Variants in TRHDE observed in about 807,000 individuals in gnomAD.
The protein encoded by TRHDE is thyrotropin-releasing hormone-degrading ectoenzyme.
A neutral mutation model predicts 125.7 loss-of-function variants in TRHDE; 72 were observed. The observed-to-expected ratio is 0.57, with a 90% confidence interval of 0.47 to 0.70. The LOEUF (loss-of-function observed/expected upper bound fraction) is 0.70. TRHDE is among the 30% of genes least tolerant of loss of function. TRHDE has a pLI of 0.00. For synonymous variants in TRHDE, 509 were observed against 509.1 expected, an observed-to-expected ratio of 1.00 and a Z score of 0.00; for missense variants, 1,110 against 1,327.1, an observed-to-expected ratio of 0.84 and a Z score of 2.54.
chr12:72,090,798 A>G (rs886497743), intron 1 of TRHDE, among the ~76,000 whole-genome samples: 6 of 151,874 alleles, frequency 4.0e-5, no homozygotes, highest in Non-Finnish European at 8.8e-5. Flanking sequence ...CACTTGGCCT[A>G]TTGGTGTGTT....
chr12:72,420,939 C>T (rs1873926197), intron 3 of TRHDE, among the ~76,000 whole-genome samples: 1 of 151,998 alleles, frequency 6.6e-6, no homozygotes, highest in South Asian at 2.1e-4. Flanking sequence ...GTATTGGATT[C>T]CTTTCTTACA....
chr12:72,601,561 A>G (rs1439588622), intron 12 of TRHDE, among the ~76,000 whole-genome samples: 1 of 152,154 alleles, frequency 6.6e-6, no homozygotes, highest in African/African-American at 2.4e-5. Context: ...TATGCTACAA[A>G]GACGTCTTCC....
At chr12:72,385,194 A>G (rs1872359238) in intron 3 of TRHDE, among the ~76,000 whole-genome samples, 1 of 152,038 alleles carries the variant, frequency 6.6e-6, no homozygotes, top group Non-Finnish European at 1.5e-5. Context: ...GTCTAATTTT[A>G]TATAATGTGA....
intron 1 of TRHDE, among the ~76,000 whole-genome samples, chr12:72,279,129 A>T (rs1347550763): frequency 6.6e-6 from 1 of 152,150 alleles, no homozygotes; most frequent in Non-Finnish European, 1.5e-5. Context: ...ATTTAAACTG[A>T]TTGTTGCCAC....
intron 3 of TRHDE, among the ~76,000 whole-genome samples, chr12:72,408,707 A>G (rs1340791819): frequency 1.3e-5 from 2 of 152,220 alleles, no homozygotes; most frequent in African/African-American, 4.8e-5. Flanking sequence ...AAGACTGGAC[A>G]AACCAAATCA....
At chr12:72,156,100 G>A (rs915016651) in intron 2 of TRHDE, among the ~76,000 whole-genome samples, 2 of 152,076 alleles carry the variant, frequency 1.3e-5, no homozygotes, top group Non-Finnish European at 2.9e-5. Flanking sequence ...AGTGGCGGGC[G>A]CCCCTCCCCC....
chr12:72,185,221 C>A (rs1877180005), intron 2 of TRHDE, among the ~76,000 whole-genome samples: 1 of 152,224 alleles, frequency 6.6e-6, no homozygotes, highest in Non-Finnish European at 1.5e-5. Flanking sequence ...CTGGGTCCCC[C>A]AGCAGTGCCG....
chr12:72,504,679 C>T (rs1440094692), intron 6 of TRHDE, among the ~76,000 whole-genome samples: 2 of 152,182 alleles, frequency 1.3e-5, no homozygotes, highest in African/African-American at 4.8e-5. Flanking sequence ...ATTAAAATTG[C>T]ATTCCTAAAA....
At chr12:72,202,215 A>G (rs942776556) in intron 2 of TRHDE, among the ~76,000 whole-genome samples, 3 of 152,140 alleles carry the variant, frequency 2.0e-5, no homozygotes, top group Non-Finnish European at 4.4e-5. Context: ...CCTTTGGTCT[A>G]TCAGTGAGAT....
chr12:72,530,126 T>C (rs530091466), intron 6 of TRHDE, among the ~76,000 whole-genome samples: 3 of 152,264 alleles, frequency 2.0e-5, no homozygotes, highest in East Asian at 1.9e-4. Flanking sequence ...CTCTGTAGAA[T>C]GTTAAAATAT....
chr12:72,096,790 G>A (rs981743058), intron 1 of TRHDE, among the ~76,000 whole-genome samples: 3 of 152,158 alleles, frequency 2.0e-5, no homozygotes, highest in Non-Finnish European at 4.4e-5. Flanking sequence ...GGATATAGGC[G>A]ACTACAGAAT....
At chr12:72,232,889 T>G (rs2139375214) in intron 2 of TRHDE, among the ~76,000 whole-genome samples, 1 of 152,318 alleles carries the variant, frequency 6.6e-6, no homozygotes, top group Non-Finnish European at 1.5e-5. Context: ...CACTACTCTC[T>G]AACTTATCTA....
intron 6 of TRHDE, among the ~76,000 whole-genome samples, chr12:72,510,873 A>C (rs900056574): frequency 2.0e-5 from 3 of 152,182 alleles, no homozygotes; most frequent in Non-Finnish European, 4.4e-5. Flanking sequence ...TAAAGCCTAT[A>C]GAAAAGGCTA....
At chr12:72,395,036 T>C (rs1042136277) in intron 3 of TRHDE, among the ~76,000 whole-genome samples, 14 of 152,208 alleles carry the variant, frequency 9.2e-5, no homozygotes, top group African/African-American at 3.4e-4. Flanking sequence ...TTACCTAACA[T>C]AGTTATTATT....
chr12:72,582,085 G>C (rs931869718), intron 12 of TRHDE: 2 of 231,848 alleles, frequency 8.6e-6, no homozygotes, highest in African/African-American at 3.0e-5. Flanking sequence ...CTGGGCGACA[G>C]AGCGAGACTC....
chr12:72,155,213 T>C (rs1592462019), intron 2 of TRHDE, among the ~76,000 whole-genome samples: 1 of 152,236 alleles, frequency 6.6e-6, no homozygotes, highest in South Asian at 2.1e-4. Context: ...GCATTCATCA[T>C]GTAGTTCTTG....
chr12:72,515,829 G>A (rs1448323799), intron 6 of TRHDE, among the ~76,000 whole-genome samples: 2 of 151,612 alleles, frequency 1.3e-5, no homozygotes, highest in South Asian at 4.2e-4. Context: ...TAAGGTGTAA[G>A]GAAGGGATCC....
intron 12 of TRHDE, among the ~76,000 whole-genome samples, chr12:72,605,584 A>G (rs984098307): frequency 9.9e-5 from 15 of 152,062 alleles, no homozygotes; most frequent in Non-Finnish European, 7.4e-5. Context: ...AATGAAACAT[A>G]TTTTTTCTTT....
intron 7 of TRHDE, among the ~76,000 whole-genome samples, chr12:72,555,858 A>G (rs1869896062): frequency 6.6e-6 from 1 of 152,176 alleles, no homozygotes; most frequent in Non-Finnish European, 1.5e-5. Flanking sequence ...TCTTACTCTA[A>G]TAATGCACAT....
Sources: allele counts gnomAD v4.1 joint callset (sites outside exome capture counted in the v4.1 genomes callset), GRCh38; gene constraint gnomAD v4.1.1; transcripts MANE v1.5; gene names NCBI Gene and HGNC (gene_info 2026-07-23, HGNC 2026-07-21).